The following AUTS2 variants were observed in gnomAD, a reference collection of about 807,000 sequenced individuals.
AUTS2 encodes activator of transcription and developmental regulator AUTS2, also known as autism susceptibility gene 2 protein.
In AUTS2, 17 loss-of-function variants were observed where a neutral mutation model predicts 112.4. That is an observed-to-expected ratio of 0.15 (90% CI 0.10 to 0.23). The LOEUF (loss-of-function observed/expected upper bound fraction) is 0.23. Ranked by LOEUF, AUTS2 falls within the 10% of genes least tolerant of loss-of-function variation. The pLI, the probability that AUTS2 is intolerant of heterozygous loss-of-function variation, is 1.00. For synonymous variants in AUTS2, 751 were observed against 702.7 expected, an observed-to-expected ratio of 1.07 and a Z score of -1.09; for missense variants, 1,510 against 1,701.6, an observed-to-expected ratio of 0.89 and a Z score of 1.98.
chr7:69,900,174 CAT>C (rs1794913555), intron 2 of AUTS2, among the ~76,000 whole-genome samples: 1 of 152,208 alleles, frequency 6.6e-6, no homozygotes, highest in Non-Finnish European at 1.5e-5. Context: ...GAAATCCCCA[CAT>C]GAGATGGATT....
At position 70,580,810 on chromosome 7, in the gene AUTS2, C is replaced by T. The variant is rs191899490; in HGVS notation, c.691-117759C>T. Among the ~76,000 whole-genome samples, 675 of 152,278 alleles carry T rather than the reference C, an allele frequency of 4.4e-3. 3 individuals are homozygous for T. The highest frequency in any genetic ancestry group is 6.8e-3 in the Middle Eastern group (2 of 294). ...AGTTTTACGTTGTGTTTAACAGATA[C>T]GACAGGATTTGCAGAGGAACTTTAA... is the stretch of plus-strand genomic sequence containing the variant. On this transcript the variant is annotated intron_variant, in intron 5 of 18. Transcript: ENST00000342771.
chr7:69,685,838 C>T (rs757477323), intron 1 of AUTS2, among the ~76,000 whole-genome samples: 5 of 151,798 alleles, frequency 3.3e-5, no homozygotes, highest in Admixed American at 6.6e-5. Context: ...AGCCACCACA[C>T]ATGGCCAATC....
At chr7:70,630,319 C>T (rs1805192111) in intron 5 of AUTS2, among the ~76,000 whole-genome samples, 1 of 152,048 alleles carries the variant, frequency 6.6e-6, no homozygotes, top group South Asian at 2.1e-4. Context: ...AGCCTATTTT[C>T]CCTCTTTGCC....
In AUTS2 at chr7:69,785,769, A is replaced by G. The variant is rs1234120422; in HGVS notation, c.310-113517A>G. ...CCTACTGTGTGCTGGGCTCTTTGCTATAGGATCAAATGCTAACTACATCTA... is the reference window on the plus strand; with the variant it reads ...CCTACTGTGTGCTGGGCTCTTTGCTGTAGGATCAAATGCTAACTACATCTA... On this transcript the variant is annotated intron_variant, in intron 1 of 18. Coordinates refer to ENST00000342771, the MANE Select transcript of AUTS2 (RefSeq NM_015570.4). Among the ~76,000 whole-genome samples, 8 of 152,334 alleles carry G rather than the reference A, an allele frequency of 5.3e-5. No individual in the cohort carries two copies. In the South Asian group the frequency reaches 1.2e-3, roughly 24 times the overall value.
At chr7:70,519,205 T>C (rs752365280) in intron 5 of AUTS2, among the ~76,000 whole-genome samples, 5 of 152,174 alleles carry the variant, frequency 3.3e-5, no homozygotes, top group Non-Finnish European at 7.4e-5. Flanking sequence ...CATAGAGAAC[T>C]CTGATGTTCA....
chr7:70,042,947 T>A (rs913903151), intron 2 of AUTS2, among the ~76,000 whole-genome samples: 1 of 151,646 alleles, frequency 6.6e-6, no homozygotes, highest in Non-Finnish European at 1.5e-5. Flanking sequence ...CGGCCCAGTC[T>A]AATTATCTGA....
chr7:70,131,288 GA>G (rs149384595), intron 3 of AUTS2, among the ~76,000 whole-genome samples: 10 of 149,114 alleles, frequency 6.7e-5, no homozygotes, highest in East Asian at 5.9e-4. Flanking sequence ...CTATCTCTAG[GA>G]AAAAAAAAAT....
intron 5 of AUTS2, among the ~76,000 whole-genome samples, chr7:70,661,910 T>G (rs1331328673): frequency 6.6e-6 from 1 of 152,084 alleles, no homozygotes; most frequent in African/African-American, 2.4e-5. Flanking sequence ...AAACTTAGAA[T>G]ACTAACAACC....
intron 5 of AUTS2, among the ~76,000 whole-genome samples, chr7:70,626,674 G>A (rs767046684): frequency 3.9e-5 from 6 of 151,978 alleles, no homozygotes; most frequent in South Asian, 4.2e-4. Context: ...CTTCCCTCTC[G>A]CCTCTCATAG....
chr7:70,569,708 A>G (rs1458854521), intron 5 of AUTS2, among the ~76,000 whole-genome samples: 1 of 152,180 alleles, frequency 6.6e-6, no homozygotes, highest in Non-Finnish European at 1.5e-5. Flanking sequence ...CCTCTCATTC[A>G]TTCCTGTTAC....
chr7:70,720,913 G>A (rs1484318737), intron 6 of AUTS2, among the ~76,000 whole-genome samples: 1 of 152,020 alleles, frequency 6.6e-6, no homozygotes, highest in African/African-American at 2.4e-5. Flanking sequence ...AAAGTGAAAA[G>A]GTCTTAAACA....
At chr7:69,887,376 A>G (rs1484848805) in intron 1 of AUTS2, among the ~76,000 whole-genome samples, 1 of 149,320 alleles carries the variant, frequency 6.7e-6, no homozygotes, top group Non-Finnish European at 1.5e-5. Flanking sequence ...AGATTGTGCC[A>G]TTGCACTCCA....
intron 5 of AUTS2, among the ~76,000 whole-genome samples, chr7:70,485,219 T>C (rs1489837271): frequency 1.3e-5 from 2 of 152,098 alleles, no homozygotes; most frequent in Non-Finnish European, 2.9e-5. Context: ...TGCAAAAATA[T>C]GGAATCAAAC....
Position 70,769,970 on chromosome 7 carries a change from T to TAAAC in AUTS2, c.1735-1577_1735-1574dup, listed in dbSNP as rs200497772. 7.9e-3 allele frequency among the ~76,000 whole-genome samples: 1,199 copies of TAAAC among 152,246 alleles called. 34 individuals are homozygous for TAAAC. Among genetic ancestry groups the TAAAC allele is most frequent in the Admixed American group, 0.046 (708 of 15,294 alleles). On this transcript the variant is annotated intron_variant, in intron 10 of 18. Transcript: ENST00000342771. ...GTAAGAACATCCAGTTTTTAAATTG[T>TAAAC]AAACATTAAAGGGAAAAGCCCACCT...
At chr7:70,383,683 A>G (rs1021990869) in intron 4 of AUTS2, among the ~76,000 whole-genome samples, 4 of 152,190 alleles carry the variant, frequency 2.6e-5, no homozygotes, top group Non-Finnish European at 5.9e-5. Flanking sequence ...TTTCCACAGT[A>G]AGGGTGAAAA....
chr7:70,763,583 G>A (rs778833803), intron 7 of AUTS2, among the ~76,000 whole-genome samples: 32 of 151,820 alleles, frequency 2.1e-4, no homozygotes, highest in Non-Finnish European at 2.5e-4. Flanking sequence ...ATGGGCACTC[G>A]AGAGTGGAGG....
Position 69,899,512 on chromosome 7 carries a change from G to A in AUTS2, c.522+14G>A. The stretch of plus-strand genomic sequence containing the variant: ...GCACTCAGACAGGTGAGGAAGCTTG[G>A]GTTCGCTCTTTCCTGTGGCGGCAAA... On this transcript the variant is annotated intron_variant, in intron 2 of 18. Transcript: ENST00000342771. 6.2e-7 allele frequency: 1 copy of A among 1,613,292 alleles called. No individual in the cohort carries two copies. The highest frequency in any genetic ancestry group is 8.5e-7 in the Non-Finnish European group (1 of 1,179,496).
chr7:69,648,699 G>T (rs1795152841), intron 1 of AUTS2, among the ~76,000 whole-genome samples: 1 of 152,168 alleles, frequency 6.6e-6, no homozygotes. Context: ...GAGAGACTTA[G>T]AGTGATGCAC....
chr7:70,577,809 T>G (rs368010969), intron 5 of AUTS2, among the ~76,000 whole-genome samples: 12 of 13,338 alleles, frequency 9.0e-4, no homozygotes, highest in South Asian at 3.5e-3. Context: ...TTTTATTGGG[T>G]TTTTTTTTAA....
Sources: gnomAD v4.1 joint callset for allele counts (sites outside exome capture counted in the v4.1 genomes callset) on GRCh38, gnomAD v4.1.1 for gene constraint, MANE v1.5 for transcripts, NCBI Gene and HGNC (gene_info 2026-07-23, HGNC 2026-07-21) for gene names.